Variants in MYO18B observed in about 807,000 individuals in gnomAD.
The protein encoded by MYO18B is myosin XVIIIB.
In MYO18B, 204 loss-of-function variants were observed where a neutral mutation model predicts 273.0. That is an observed-to-expected ratio of 0.75 (90% confidence interval 0.67 to 0.84). The LOEUF is 0.84. Among genes scored for constraint, MYO18B ranks in the 40% least tolerant of loss-of-function variants. The pLI is 0.00. For synonymous variants in MYO18B, 1,330 were observed against 1,305.7 expected (o/e 1.02, Z -0.40); for missense variants, 3,212 against 3,287.6 (o/e 0.98, Z 0.56).
intron 39 of MYO18B, among the ~76,000 whole-genome samples, chr22:25,985,254 G>T (rs5997011): frequency 0.029 from 4,354 of 152,220 alleles, 77 homozygotes; most frequent in Middle Eastern, 0.044. Context: ...CCAGCTGTTT[G>T]GGGGGCTGAG....
intron 33 of MYO18B, 52 bp downstream of exon 33, chr22:25,911,102 T>C: frequency 1.5e-6 from 2 of 1,349,886 alleles, no homozygotes; most frequent in Non-Finnish European, 2.1e-6. Context: ...GGGACCTATT[T>C]GAGAGATGGG....
chr22:25,939,828 C>T (rs1310227250), intron 34 of MYO18B, among the ~76,000 whole-genome samples: 1 of 152,160 alleles, frequency 6.6e-6, no homozygotes, highest in African/African-American at 2.4e-5. Flanking sequence ...GGTTCATATC[C>T]CAGCTCTGCC....
intron 39 of MYO18B, among the ~76,000 whole-genome samples, chr22:25,986,956 TG>T (rs1432332962): frequency 6.6e-6 from 1 of 152,244 alleles, no homozygotes; most frequent in African/African-American, 2.4e-5. Context: ...CACCAGGCTC[TG>T]TAACATTTTC....
rs1380512598 is a variant in MYO18B at position 25,781,818 on chromosome 22, T to C, written c.2296T>C (p.Leu766=). The C allele has an allele frequency of 5.0e-6, 8 of 1,585,580 alleles. No individual in the cohort carries two copies. Among genetic ancestry groups the C allele is most frequent in the Non-Finnish European group, 6.9e-6 (8 of 1,167,666 alleles). Residue 766 remains leucine, a synonymous_variant, in exon 10 of 44, where the codon TTG becomes CTG. Transcript: ENST00000335473. ...GGTTTTCTCCCAGATGCTGGCTGGA[T>C]TGGACTTGGATCTCAGGTGAGCACT... is the stretch of plus-strand genomic sequence containing the variant. ...FLVFSQMLAG[L]DLDLRTELNL... is the part of the protein sequence containing the mutation.
At chr22:25,833,731 G>C (rs1033083089) in intron 16 of MYO18B, among the ~76,000 whole-genome samples, 1 of 152,188 alleles carries the variant, frequency 6.6e-6, no homozygotes. Flanking sequence ...ACTTTTTCTG[G>C]GTTGCTGTGA....
chr22:25,921,702 TTGTGTGTGTGTG>T (rs3070571), intron 34 of MYO18B, among the ~76,000 whole-genome samples: 2,055 of 145,692 alleles, frequency 0.014, 17 homozygotes, highest in South Asian at 0.043. Flanking sequence ...AGTGTGCCTG[TTGTGTGTGTGTG>T]TGTGTGTGTG....
intron 36 of MYO18B, among the ~76,000 whole-genome samples, chr22:25,949,572 G>C (rs1411959757): frequency 6.6e-6 from 1 of 152,196 alleles, no homozygotes; most frequent in Non-Finnish European, 1.5e-5. Flanking sequence ...ATCTGACAGA[G>C]GTTGGATCTG....
At chr22:25,756,890 G>A (rs1007882404) in intron 1 of MYO18B, among the ~76,000 whole-genome samples, 3 of 151,922 alleles carry the variant, frequency 2.0e-5, no homozygotes, top group South Asian at 2.1e-4. Context: ...GCAAAACCCC[G>A]TCTCTACTGA....
chr22:25,769,490 A>G, intron 4 of MYO18B, 62 bp downstream of exon 4: 1 of 1,307,380 alleles, frequency 7.6e-7, no homozygotes, highest in Non-Finnish European at 1.0e-6. Flanking sequence ...AGATGCAGGG[A>G]TGGGAAAGAT....
chr22:25,802,432 C>T (rs1008746404), intron 12 of MYO18B, among the ~76,000 whole-genome samples: 5 of 152,122 alleles, frequency 3.3e-5, no homozygotes, highest in Non-Finnish European at 7.3e-5. Context: ...CAATCTCCAG[C>T]TCTTCTGTCA....
At chr22:26,024,117 T>C (rs1936059562) in intron 42 of MYO18B, among the ~76,000 whole-genome samples, 3 of 152,240 alleles carry the variant, frequency 2.0e-5, no homozygotes, top group Admixed American at 1.3e-4. Flanking sequence ...TGAACTTCAA[T>C]TGAGGCTTTT....
intron 16 of MYO18B, among the ~76,000 whole-genome samples, chr22:25,835,008 T>G (rs2089845674): frequency 6.6e-6 from 1 of 152,164 alleles, no homozygotes; most frequent in Admixed American, 6.5e-5. Context: ...GTATTTTCAG[T>G]CTCCATTACA....
chr22:25,966,054 C>T (rs886462840), intron 39 of MYO18B, among the ~76,000 whole-genome samples: 1 of 152,174 alleles, frequency 6.6e-6, no homozygotes, highest in African/African-American at 2.4e-5. Flanking sequence ...AAAATAGATG[C>T]AATCACATCT....
chr22:25,742,693 A>G (rs2085662762), intron 1 of MYO18B, among the ~76,000 whole-genome samples: 2 of 152,322 alleles, frequency 1.3e-5, no homozygotes, highest in African/African-American at 4.8e-5. Context: ...ACTGGTGTTC[A>G]GTTATGGTCG....
chr22:26,057,897 A>G, the MYO18B span, among the ~76,000 whole-genome samples: 5 of 152,204 alleles, frequency 3.3e-5, no homozygotes, highest in African/African-American at 1.2e-4. Flanking sequence ...GAGGGAGGGC[A>G]GATAAGTAGC....
the MYO18B span, among the ~76,000 whole-genome samples, chr22:26,055,631 C>A: frequency 6.6e-6 from 1 of 152,162 alleles, no homozygotes; most frequent in African/African-American, 2.4e-5. Flanking sequence ...TCTGGTTTAT[C>A]ATGAGGCAAG....
In MYO18B at chr22:25,769,053, G is replaced by T; in HGVS notation, c.1137G>T (p.Arg379=). The change falls in exon 4 of 44, where the codon CGG becomes CGT. Residue 379 remains arginine (R), a synonymous_variant. Coordinates refer to ENST00000335473, the MANE Select transcript of MYO18B (RefSeq NM_032608.7). ...LRMGEKAGEL[R]STTGKAGESW... ...TGGGGGAGAAAGCAGGTGAGCTTCG[G>T]AGCACGACTGGGAAGGCAGGTGAGT... is the stretch of plus-strand genomic sequence containing the variant. The T allele has an allele frequency of 6.2e-7, 1 of 1,612,260 alleles. No homozygotes were observed. Among genetic ancestry groups the T allele is most frequent in the Non-Finnish European group, 8.5e-7 (1 of 1,179,130 alleles).
intron 40 of MYO18B, among the ~76,000 whole-genome samples, chr22:25,995,353 G>T (rs956989150): frequency 4.6e-5 from 7 of 152,110 alleles, no homozygotes; most frequent in African/African-American, 1.4e-4. Flanking sequence ...GATGACTGTG[G>T]TCAATGATAA....
intron 12 of MYO18B, among the ~76,000 whole-genome samples, chr22:25,798,707 G>T (rs1314262705): frequency 1.3e-5 from 2 of 152,014 alleles, no homozygotes; most frequent in Non-Finnish European, 2.9e-5. Context: ...CTACAGCTGT[G>T]CACCCCCATG....
Sources: gnomAD v4.1 joint callset for allele counts (sites outside exome capture counted in the v4.1 genomes callset) on GRCh38, gnomAD v4.1.1 for gene constraint, MANE v1.5 for transcripts, NCBI Gene and HGNC (gene_info 2026-07-23, HGNC 2026-07-21) for gene names.